PMFBP1: variants seen among roughly 807,000 people sequenced by gnomAD.
PMFBP1 encodes polyamine modulated factor 1 binding protein 1, also known as polyamine-modulated factor 1-binding protein 1.
A neutral mutation model predicts 137.8 loss-of-function variants in PMFBP1; 131 were observed. The ratio of observed to expected loss-of-function variants is 0.95; its 90% CI spans 0.82 to 1.10. PMFBP1 has a LOEUF of 1.10. Among genes scored for constraint, PMFBP1 ranks in the 50% least tolerant of loss-of-function variants. PMFBP1 has a pLI of 0.00. For synonymous variants in PMFBP1, 490 were observed against 450.4 expected (o/e 1.09, Z -1.11); for missense variants, 1,199 against 1,175.4 (o/e 1.02, Z -0.29).
chr16:72,159,115 T>C (rs190517703), intron 3 of PMFBP1, among the ~76,000 whole-genome samples: 6 of 152,334 alleles, frequency 3.9e-5, no homozygotes, highest in Admixed American at 2.0e-4. Flanking sequence ...CATTCTTTGC[T>C]TCTCTTTGCT....
chr16:72,141,242 A>T (rs955419975), intron 5 of PMFBP1, among the ~76,000 whole-genome samples: 9 of 152,160 alleles, frequency 5.9e-5, no homozygotes, highest in African/African-American at 2.2e-4. Flanking sequence ...CGGTGGACAA[A>T]TGAGTGTCTT....
At position 72,171,287 on chromosome 16, in the gene PMFBP1, TTAAGATGGAAA is replaced by T; in HGVS notation, c.-60-30_-60-20del. The T allele has an allele frequency of 1.3e-6, 2 of 1,489,386 alleles. No homozygotes were observed. The highest frequency in any genetic ancestry group is 1.9e-6 in the Non-Finnish European group (2 of 1,071,912). The allele number at this position is 1,489,386 out of a possible 1,614,324, so 92.3% of individuals were successfully genotyped here. A position where few individuals can be genotyped will look rare whatever the true frequency, so the allele number is the denominator to read the frequency against. ...TATAAACCTGAAAAAGTCCAAGTAT[TTAAGATGGAAA>T]AAGTATAAATGAGCCTCTGCCCTTT... On this transcript the variant is annotated intron_variant, in intron 1 of 20. Transcript: ENST00000237353.
At chr16:72,246,500 G>A in the PMFBP1 span, among the ~76,000 whole-genome samples, 574 of 151,964 alleles carry the variant, frequency 3.8e-3, 33 homozygotes, top group East Asian at 0.095. Flanking sequence ...CACGTATTTC[G>A]TGCCTTAATG....
At chr16:72,164,742 C>T (rs764199953) in intron 3 of PMFBP1, 22 bp downstream of exon 3, 14 of 1,570,914 alleles carry the variant, frequency 8.9e-6, no homozygotes, top group Middle Eastern at 2.0e-4. Flanking sequence ...CAGGGGTGAG[C>T]GGCTGCTGCC....
chr16:72,195,633 T>C, the PMFBP1 span, among the ~76,000 whole-genome samples: 20,085 of 152,310 alleles, frequency 0.13, 1,794 homozygotes, highest in South Asian at 0.19. Context: ...GACCTGGACG[T>C]TATCTCCAGT....
At chr16:72,215,405 G>T in the PMFBP1 span, among the ~76,000 whole-genome samples, 2 of 151,300 alleles carry the variant, frequency 1.3e-5, no homozygotes. Context: ...CAAAAGAATA[G>T]CCATTAGTCT....
intron 3 of PMFBP1, among the ~76,000 whole-genome samples, chr16:72,160,773 T>C (rs901626032): frequency 1.4e-4 from 21 of 152,244 alleles, no homozygotes; most frequent in Admixed American, 3.3e-4. Flanking sequence ...ATTTGTATAG[T>C]TGAAAAATTC....
intron 5 of PMFBP1, among the ~76,000 whole-genome samples, chr16:72,141,018 T>C (rs1359547185): frequency 3.1e-5 from 4 of 128,696 alleles, no homozygotes; most frequent in Non-Finnish European, 4.7e-5. Context: ...CACTGCAACC[T>C]CCGCCTTCCA....
At chr16:72,160,266 C>T (rs945616874) in intron 3 of PMFBP1, among the ~76,000 whole-genome samples, 1 of 152,180 alleles carries the variant, frequency 6.6e-6, no homozygotes, top group South Asian at 2.1e-4. Context: ...TCTGTATTTT[C>T]CTTGTATTGA....
the PMFBP1 span, among the ~76,000 whole-genome samples, chr16:72,228,052 C>T: frequency 2.0e-5 from 3 of 152,152 alleles, no homozygotes; most frequent in African/African-American, 7.2e-5. Flanking sequence ...AAATCTGTAG[C>T]TCCCCATCAA....
intron 5 of PMFBP1, among the ~76,000 whole-genome samples, 159 bp from the exon 6 acceptor site, chr16:72,140,741 C>T (rs2144351502): frequency 6.6e-6 from 1 of 152,122 alleles, no homozygotes; most frequent in South Asian, 2.1e-4. Flanking sequence ...TTAACTAGTG[C>T]ATATACATGT....
In PMFBP1 at chr16:72,123,597, C is replaced by T. The variant is rs769293377; in HGVS notation, c.2642G>A (p.Arg881Gln). The change falls in exon 18 of 21, where the codon CGA becomes CAA. Residue 881 changes from arginine (R) to glutamine (Q), a missense_variant. Transcript: ENST00000237353. ...GTTGGTCATAATCTGATCATTCCCT[C>T]GGTAGAGCCTACAGGTGTCTTTGGG... ...SVPKDTCRLY[R>Q]GNDQIMTNLE... 3.2e-5 allele frequency: 52 copies of T among 1,614,034 alleles called. No homozygotes were observed. Among genetic ancestry groups the T allele is most frequent in the Admixed American group, 1.7e-4 (10 of 60,004 alleles).
chr16:72,124,649 A>T, intron 17 of PMFBP1, 118 bp downstream of exon 17: 1 of 1,239,768 alleles, frequency 8.1e-7, no homozygotes, highest in Non-Finnish European at 1.1e-6. Flanking sequence ...GGAGGGGGTG[A>T]CCTTTCCTTT....
At chr16:72,166,310 C>T (rs2144509992) in intron 2 of PMFBP1, among the ~76,000 whole-genome samples, 1 of 152,216 alleles carries the variant, frequency 6.6e-6, no homozygotes, top group East Asian at 1.9e-4. Flanking sequence ...TGTGGCACTT[C>T]CCCTCACTCT....
chr16:72,122,277 T>C lies in PMFBP1; in HGVS notation c.2768+637A>G, dbSNP rs2042387474. On this transcript the variant is annotated intron_variant, in intron 19 of 20. Transcript: ENST00000237353. ...ATCCATGGTGTTACGTAAGGCATGG[T>C]TGTTTTCTAAGTGTTCCCTAAGAAA... is the stretch of plus-strand genomic sequence containing the variant. Among the ~76,000 whole-genome samples the C allele has an allele frequency of 2.6e-5, 4 of 152,210 alleles. 1 individual carries two copies. In the South Asian group the frequency reaches 8.3e-4, roughly 32 times the overall value.
chr16:72,197,765 G>C, the PMFBP1 span, among the ~76,000 whole-genome samples: 47 of 152,264 alleles, frequency 3.1e-4, no homozygotes, highest in South Asian at 9.3e-3. Context: ...GAACCTTAGC[G>C]AGAAGCTGAA....
the PMFBP1 span, among the ~76,000 whole-genome samples, chr16:72,246,578 T>G: frequency 4.3e-4 from 66 of 151,994 alleles, no homozygotes; most frequent in African/African-American, 1.5e-3. Context: ...CACTCCTCTT[T>G]CTCCAGCTGT....
chr16:72,157,016 T>C (rs1299138454), intron 3 of PMFBP1, among the ~76,000 whole-genome samples: 1 of 150,600 alleles, frequency 6.6e-6, no homozygotes, highest in Admixed American at 6.6e-5. Flanking sequence ...TGAAACCCCA[T>C]CTCTACTAAA....
the PMFBP1 span, among the ~76,000 whole-genome samples, chr16:72,218,877 G>A: frequency 5.3e-5 from 8 of 152,090 alleles, no homozygotes; most frequent in African/African-American, 1.7e-4. Context: ...AAAGGGCATC[G>A]CAGGCTTAGG....
Sources: allele counts gnomAD v4.1 joint callset (sites outside exome capture counted in the v4.1 genomes callset), GRCh38; gene constraint gnomAD v4.1.1; transcripts MANE v1.5; gene names NCBI Gene and HGNC (gene_info 2026-07-23, HGNC 2026-07-21).